SLC6A11: variants seen among roughly 807,000 people sequenced by gnomAD.
The protein encoded by SLC6A11 is solute carrier family 6 member 11.
SLC6A11 carries 25 observed loss-of-function variants against 74.8 expected under a neutral mutation model. That is an observed-to-expected ratio of 0.33 (90% confidence interval 0.24 to 0.47). SLC6A11 has a LOEUF of 0.47. Among genes scored for constraint, SLC6A11 ranks in the 20% least tolerant of loss-of-function variants. The pLI is 1.00. For missense variants in SLC6A11, 574 were observed against 837.0 expected, an observed-to-expected ratio of 0.69 and a Z score of 3.88; for synonymous variants, 330 against 330.2, an observed-to-expected ratio of 1.00 and a Z score of 0.01.
intron 4 of SLC6A11, among the ~76,000 whole-genome samples, chr3:10,828,049 CCGT>C (rs1406365009): frequency 3.2e-4 from 49 of 152,302 alleles, no homozygotes; most frequent in African/African-American, 1.1e-3. Context: ...CATCTGGCAT[CCGT>C]GCATTTATCT....
At chr3:10,825,266 T>C (rs1694193777) in intron 4 of SLC6A11, 1 of 152,228 alleles carries the variant, frequency 6.6e-6, no homozygotes, top group South Asian at 2.1e-4. Context: ...GCACTTGGTC[T>C]GTTCAGTTTT....
chr3:10,854,338 G>A (rs561256266), intron 5 of SLC6A11, among the ~76,000 whole-genome samples: 3 of 152,202 alleles, frequency 2.0e-5, no homozygotes, highest in East Asian at 1.9e-4. Context: ...GCAGTGAGCC[G>A]AGATCGCACC....
rs978538963 is a variant in SLC6A11 at position 10,939,469 on chromosome 3, A to G, written c.*1067A>G. ...CTTGCAGCCATCTCAGCCAGGGTCT[A>G]TGTCTTAGGACCTTCCTCCGGCCTT... On this transcript the variant is annotated 3_prime_UTR_variant, in exon 14 of 14. Transcript: ENST00000254488. The G allele has an allele frequency of 5.3e-5, 8 of 152,328 alleles. No homozygotes were observed. Among genetic ancestry groups the G allele is most frequent in the Admixed American group, 2.0e-4 (3 of 15,258 alleles). 9.4% of individuals were successfully genotyped at this position (152,328 alleles called of 1,614,324 possible).
At chr3:10,883,045 AGGGGGCG>A (rs370728560) in intron 6 of SLC6A11, among the ~76,000 whole-genome samples, 195 of 143,666 alleles carry the variant, frequency 1.4e-3, no homozygotes, top group African/African-American at 4.6e-3. Context: ...CCACAGCCCA[AGGGGGCG>A]GGGGGCGGGG....
At chr3:10,922,693 A>G (rs1695552498) in intron 8 of SLC6A11, among the ~76,000 whole-genome samples, 2 of 152,184 alleles carry the variant, frequency 1.3e-5, no homozygotes, top group African/African-American at 4.8e-5. Flanking sequence ...AATGTTTCAC[A>G]TACCACTCAA....
chr3:10,922,292 T>C (rs775000838), intron 8 of SLC6A11, among the ~76,000 whole-genome samples: 28 of 152,198 alleles, frequency 1.8e-4, no homozygotes, highest in Non-Finnish European at 1.8e-4. Flanking sequence ...TGTTAATAGA[T>C]CTAACAAAAA....
intron 5 of SLC6A11, among the ~76,000 whole-genome samples, chr3:10,849,603 G>T (rs1467509683): frequency 6.6e-6 from 1 of 152,126 alleles, no homozygotes; most frequent in Non-Finnish European, 1.5e-5. Context: ...AATGAAAATT[G>T]CCCTTAGAAT....
intron 6 of SLC6A11, among the ~76,000 whole-genome samples, chr3:10,906,205 A>G (rs1192157130): frequency 6.6e-6 from 1 of 152,186 alleles, no homozygotes; most frequent in East Asian, 1.9e-4. Context: ...ATCTTGTATA[A>G]CTTGCCCTTT....
chr3:10,874,886 A>C (rs1694888934), intron 5 of SLC6A11, 75 bp from the exon 6 acceptor site: 3 of 1,446,164 alleles, frequency 2.1e-6, no homozygotes, highest in Admixed American at 1.9e-5. Context: ...ATGCACCCAA[A>C]GGACATTGTG....
chr3:10,852,596 C>T (rs904081326), intron 5 of SLC6A11, among the ~76,000 whole-genome samples: 1 of 152,212 alleles, frequency 6.6e-6, no homozygotes, highest in Non-Finnish European at 1.5e-5. Context: ...CTGGAGAAGG[C>T]CAGGAGTCCC....
intron 12 of SLC6A11, among the ~76,000 whole-genome samples, 157 bp downstream of exon 12, chr3:10,934,323 A>G (rs919870477): frequency 1.3e-5 from 2 of 152,206 alleles, no homozygotes; most frequent in African/African-American, 4.8e-5. Flanking sequence ...ACCCATGGGC[A>G]CAGGCTCTGG....
At chr3:10,883,508 G>C (rs1003068286) in intron 6 of SLC6A11, among the ~76,000 whole-genome samples, 1 of 152,154 alleles carries the variant, frequency 6.6e-6, no homozygotes, top group African/African-American at 2.4e-5. Context: ...CCTCTGTGCA[G>C]GGAACTGGAG....
intron 5 of SLC6A11, among the ~76,000 whole-genome samples, chr3:10,851,015 G>T (rs771277265): frequency 1.3e-5 from 2 of 152,122 alleles, no homozygotes; most frequent in African/African-American, 2.4e-5. Flanking sequence ...TTTTGAACAG[G>T]GGTGGTTGAC....
rs377617424 is a variant in SLC6A11, at chr3:10,915,567, C to T, written c.996-2762C>T. 5.9e-5 allele frequency among the ~76,000 whole-genome samples: 9 copies of T among 152,174 alleles called. No homozygotes were observed. The East Asian group carries it at 9.7e-4, about 16-fold the overall frequency. On this transcript the variant is annotated intron_variant, in intron 7 of 13. Transcript: ENST00000254488. This position sits in a 1 kb window ranked among gnomAD's most constrained non-coding sequence, Gnocchi z 4.3. The stretch of plus-strand genomic sequence containing the variant: ...CTGTTACATAAGCGTTTTACCTAGA[C>T]GTGGGAGCTGGGGAAGGAATTAGAG...
At chr3:10,839,637 A>G (rs1282739695) in intron 4 of SLC6A11, among the ~76,000 whole-genome samples, 1 of 152,112 alleles carries the variant, frequency 6.6e-6, no homozygotes, top group Non-Finnish European at 1.5e-5. Context: ...CAGGTCTCCC[A>G]GGATACCCCA....
chr3:10,932,426 C>A (rs745893643), intron 10 of SLC6A11, among the ~76,000 whole-genome samples: 2 of 152,194 alleles, frequency 1.3e-5, no homozygotes, highest in African/African-American at 2.4e-5. Flanking sequence ...TTTATCACCA[C>A]CTACTGTGCA....
chr3:10,883,058 C>T (rs950342578), intron 6 of SLC6A11, among the ~76,000 whole-genome samples: 4 of 142,748 alleles, frequency 2.8e-5, no homozygotes, highest in Admixed American at 1.4e-4. Context: ...GGGCGGGGGG[C>T]GGGGAGGTGG....
intron 4 of SLC6A11, among the ~76,000 whole-genome samples, chr3:10,834,621 A>G (rs1274766722): frequency 1.3e-5 from 2 of 152,170 alleles, no homozygotes; most frequent in Non-Finnish European, 2.9e-5. Context: ...TCGCACATGC[A>G]CACCCAAACA....
rs1413987114 is a variant in SLC6A11 at position 10,926,117 on chromosome 3, G to C, written c.1233+1G>C. 6.2e-7 allele frequency: 1 copy of C among 1,601,646 alleles called. No homozygotes were observed. Among genetic ancestry groups the C allele is most frequent in the Admixed American group, 1.7e-5 (1 of 59,848 alleles). ...CATCTTCCTGGGCCTGGACAGCCAG[G>C]TAAGGGGCCATGGGGATGGGGAGCC... is the stretch of plus-strand genomic sequence containing the variant. On this transcript the variant is annotated splice_donor_variant, in intron 9 of 13. Coordinates refer to ENST00000254488, the MANE Select transcript of SLC6A11 (RefSeq NM_014229.3). LOFTEE classifies it high-confidence loss of function. This position sits in a 1 kb window ranked among gnomAD's most constrained non-coding sequence, Gnocchi z 5.7.
Sources: gnomAD v4.1 joint callset for allele counts (sites outside exome capture counted in the v4.1 genomes callset) on GRCh38, gnomAD v4.1.1 for gene constraint, Gnocchi (gnomAD v3.1) non-coding constraint, MANE v1.5 for transcripts, NCBI Gene and HGNC (gene_info 2026-07-23, HGNC 2026-07-21) for gene names.